PLCH2: variants seen among roughly 807,000 people sequenced by gnomAD.
The protein encoded by PLCH2 is 1-phosphatidylinositol 4,5-bisphosphate phosphodiesterase eta-2.
Under a neutral mutation model 134.7 loss-of-function variants are expected in PLCH2, and 98 were observed. The observed-to-expected ratio is 0.73, with a 90% confidence interval of 0.62 to 0.86. The LOEUF (loss-of-function observed/expected upper bound fraction) is 0.86, where lower values mean the gene tolerates loss of function less well. Among genes scored for constraint, PLCH2 ranks in the 40% least tolerant of loss-of-function variants. The pLI, the probability that PLCH2 is intolerant of heterozygous loss-of-function variation, is 0.00. For synonymous variants in PLCH2, 974 were observed against 827.5 expected, an observed-to-expected ratio of 1.18 and a Z score of -3.04; for missense variants, 1,994 against 1,986.6, an observed-to-expected ratio of 1.00 and a Z score of -0.07.
intron 1 of PLCH2, among the ~76,000 whole-genome samples, chr1:2,428,725 G>T (rs1306912917): frequency 6.6e-6 from 1 of 152,256 alleles, no homozygotes; most frequent in Non-Finnish European, 1.5e-5. Context: ...CTCCGGCTGG[G>T]ACGGTGGCTG....
At chr1:2,436,229 C>T (rs1639347995) in intron 2 of PLCH2, among the ~76,000 whole-genome samples, 1 of 130,576 alleles carries the variant, frequency 7.7e-6, no homozygotes, top group Non-Finnish European at 1.6e-5. Context: ...CTGCCTCCTC[C>T]TTTCCTCCTT....
intron 1 of PLCH2, among the ~76,000 whole-genome samples, chr1:2,470,295 C>T (rs900882292): frequency 1.1e-4 from 16 of 152,086 alleles, no homozygotes; most frequent in African/African-American, 1.7e-4. Context: ...GGGTGGGGGC[C>T]GACCCAGGGA....
At chr1:2,479,493 G>T (rs990139417) in intron 2 of PLCH2, 2 of 479,654 alleles carry the variant, frequency 4.2e-6, no homozygotes, top group Non-Finnish European at 7.5e-6. Context: ...TCTCCCTCGT[G>T]GGGGCGTGTC....
At chr1:2,471,849 C>T (rs559670016), upstream of PLCH2, among the ~76,000 whole-genome samples, 9 of 152,314 alleles carry the variant, frequency 5.9e-5, no homozygotes, top group African/African-American at 2.2e-4. Flanking sequence ...GGCCTGCTCC[C>T]CTGCCGAGCT....
intron 20 of PLCH2, 125 bp downstream of exon 20, chr1:2,499,845 C>T (rs1346158519): frequency 6.3e-5 from 47 of 746,326 alleles, no homozygotes; most frequent in Non-Finnish European, 9.0e-5. Flanking sequence ...GGGTCCCCTC[C>T]CCGGGCCTCT....
chr1:2,487,890 G>T (rs1269423170), intron 8 of PLCH2, among the ~76,000 whole-genome samples, 172 bp downstream of exon 8: 1 of 152,202 alleles, frequency 6.6e-6, no homozygotes, highest in Non-Finnish European at 1.5e-5. Context: ...GGCAGGGAGA[G>T]AGTATGGCCG....
Position 2,481,137 on chromosome 1 carries a change from C to T in PLCH2, c.645+825C>T, listed in dbSNP as rs560596867. Among the ~76,000 whole-genome samples, 37 of 152,386 alleles carry T rather than the reference C, an allele frequency of 2.4e-4. 1 individual carries two copies. The East Asian group carries it at 6.9e-3, about 29-fold the overall frequency. The stretch of plus-strand genomic sequence containing the variant: ...ACATGCTCACAGCCTGACAGCTCCG[C>T]CGTGTCCAGCCCCTGCCAGCTCCTG... On this transcript the variant is annotated intron_variant, in intron 4 of 21. Transcript: ENST00000378486.
intron 1 of PLCH2, 53 bp downstream of exon 1, chr1:2,476,765 A>G (rs1641651565): frequency 2.6e-5 from 40 of 1,522,562 alleles, no homozygotes; most frequent in Non-Finnish European, 3.4e-5. Flanking sequence ...TGGCCAGGTG[A>G]CTGGTGGGTG....
At position 2,504,051 on chromosome 1, in the gene PLCH2, G is replaced by A. The variant is rs369734392; in HGVS notation, c.3089G>A (p.Arg1030Gln). Residue 1030 changes from arginine to glutamine, a missense_variant, in exon 22 of 22, where the codon CGG becomes CAG. Coordinates refer to ENST00000378486, the MANE Select transcript of PLCH2 (RefSeq NM_014638.4). ...AAVPTSSSQG[R>Q]PPYPTGPGAN... is the part of the protein sequence containing the mutation. ...GTCCCCACCAGCTCTTCTCAGGGAC[G>A]GCCCCCATACCCCACAGGACCCGGA... 2.9e-5 allele frequency: 45 copies of A among 1,546,980 alleles called. No individual in the cohort carries two copies. The African/African-American group carries it at 5.2e-4, about 18-fold the overall frequency.
At chr1:2,453,519 G>A (rs1640342610) in intron 2 of PLCH2, among the ~76,000 whole-genome samples, 1 of 152,158 alleles carries the variant, frequency 6.6e-6, no homozygotes, top group African/African-American at 2.4e-5. Flanking sequence ...GAGACACGGG[G>A]CTCACAGGAC....
chr1:2,459,997 G>T (rs1172004102), intron 2 of PLCH2, among the ~76,000 whole-genome samples: 1 of 152,188 alleles, frequency 6.6e-6, no homozygotes, highest in Non-Finnish European at 1.5e-5. Context: ...GGCTCCAAGC[G>T]AGCACCCTGA....
At chr1:2,460,970 G>C (rs544383747) in intron 2 of PLCH2, among the ~76,000 whole-genome samples, 1 of 152,204 alleles carries the variant, frequency 6.6e-6, no homozygotes, top group Non-Finnish European at 1.5e-5. Flanking sequence ...CTGGTGGCGT[G>C]GGGGCTCAGG....
At chr1:2,485,263 G>A (rs1642227628) in intron 5 of PLCH2, among the ~76,000 whole-genome samples, 1 of 152,162 alleles carries the variant, frequency 6.6e-6, no homozygotes, top group South Asian at 2.1e-4. Context: ...CAGAGGTTCA[G>A]GGCTCTGGCC....
chr1:2,490,019 G>A (rs927836468), intron 10 of PLCH2, among the ~76,000 whole-genome samples, 152 bp downstream of exon 10: 2 of 152,068 alleles, frequency 1.3e-5, no homozygotes, highest in African/African-American at 4.8e-5. Flanking sequence ...GGCCTGGGGG[G>A]TCCTCCCTGC....
chr1:2,490,135 C>T (rs1642493186), intron 10 of PLCH2, among the ~76,000 whole-genome samples: 1 of 152,028 alleles, frequency 6.6e-6, no homozygotes, highest in Non-Finnish European at 1.5e-5. Context: ...GCCCTGTCCT[C>T]TTGGCCCCTC....
the PLCH2 span, among the ~76,000 whole-genome samples, chr1:2,416,484 C>T: frequency 6.6e-6 from 1 of 152,182 alleles, no homozygotes; most frequent in Non-Finnish European, 1.5e-5. Flanking sequence ...GCTGGAGGCC[C>T]TGGGAGCCGC....
At chr1:2,466,228 C>T (rs993099809), upstream of PLCH2, among the ~76,000 whole-genome samples, 7 of 152,128 alleles carry the variant, frequency 4.6e-5, no homozygotes, top group Non-Finnish European at 1.0e-4. Context: ...CCTCCCTTCT[C>T]GCAGCTGTGC....
intron 2 of PLCH2, among the ~76,000 whole-genome samples, chr1:2,434,139 C>T (rs1317173008): frequency 6.6e-6 from 1 of 152,260 alleles, no homozygotes; most frequent in Admixed American, 6.5e-5. Flanking sequence ...GTGCACCGAG[C>T]TCTTTGAGGC....
At chr1:2,491,142 C>T in intron 10 of PLCH2, 50 bp from the exon 11 acceptor site, 1 of 1,564,314 alleles carries the variant, frequency 6.4e-7, no homozygotes, top group Non-Finnish European at 8.7e-7. Flanking sequence ...ATTGCCACTA[C>T]TCGCAGGGCT....
Sources: gnomAD v4.1 joint callset for allele counts (sites outside exome capture counted in the v4.1 genomes callset) on GRCh38, gnomAD v4.1.1 for gene constraint, MANE v1.5 for transcripts, NCBI Gene and HGNC (gene_info 2026-07-23, HGNC 2026-07-21) for gene names.